KLHL3: variants seen among roughly 807,000 people sequenced by gnomAD.
KLHL3 encodes the protein kelch like family member 3.
In KLHL3, 19 loss-of-function variants were observed where a neutral mutation model predicts 70.5. That is an observed-to-expected ratio of 0.27 (90% CI 0.19 to 0.40). The LOEUF (loss-of-function observed/expected upper bound fraction) is 0.40. KLHL3 is among the 10% of genes least tolerant of loss of function. The pLI is 1.00. For missense variants in KLHL3, 512 were observed against 771.1 expected, an observed-to-expected ratio of 0.66 and a Z score of 3.98; for synonymous variants, 258 against 290.3, an observed-to-expected ratio of 0.89 and a Z score of 1.13.
chr5:137,689,487 G>A (rs1028459553), intron 5 of KLHL3, among the ~76,000 whole-genome samples: 5 of 152,178 alleles, frequency 3.3e-5, no homozygotes, highest in Non-Finnish European at 5.9e-5. Context: ...GGAATACTAC[G>A]CAGCCATAAA....
chr5:137,670,971 C>CAA (rs35273673), intron 6 of KLHL3, among the ~76,000 whole-genome samples: 72 of 131,456 alleles, frequency 5.5e-4, no homozygotes, highest in Non-Finnish European at 7.3e-4. Context: ...GACTCCACCT[C>CAA]AAAAAAAAAA....
At chr5:137,732,579 G>A (rs894224928) in intron 1 of KLHL3, among the ~76,000 whole-genome samples, 1 of 151,926 alleles carries the variant, frequency 6.6e-6, no homozygotes, top group Non-Finnish European at 1.5e-5. Context: ...GCAAGATGAC[G>A]GCCTGATAAG....
chr5:137,728,937 T>C (rs1052120945), intron 1 of KLHL3, among the ~76,000 whole-genome samples: 3 of 148,434 alleles, frequency 2.0e-5, no homozygotes, highest in Middle Eastern at 3.5e-3. Context: ...AGTTTACCTA[T>C]ATAACAAACC....
intron 11 of KLHL3, among the ~76,000 whole-genome samples, chr5:137,635,247 C>T (rs1254212967): frequency 1.3e-5 from 2 of 152,198 alleles, no homozygotes; most frequent in East Asian, 3.8e-4. Flanking sequence ...ATCATCGAGC[C>T]TGGCTTTGTT....
At chr5:137,709,173 T>A (rs1264827353) in intron 3 of KLHL3, among the ~76,000 whole-genome samples, 1 of 152,226 alleles carries the variant, frequency 6.6e-6, no homozygotes, top group African/African-American at 2.4e-5. Context: ...TGCCAGATAT[T>A]GATTATACCT....
chr5:137,706,366 T>A, intron 3 of KLHL3: 4 of 985,388 alleles, frequency 4.1e-6, no homozygotes, highest in Non-Finnish European at 4.8e-6. Context: ...TTTGCAATGT[T>A]ACTGGAGATT....
chr5:137,702,704 T>C (rs1224599864), intron 3 of KLHL3, among the ~76,000 whole-genome samples: 1 of 152,162 alleles, frequency 6.6e-6, no homozygotes, highest in African/African-American at 2.4e-5. Flanking sequence ...AGGTGGCAGA[T>C]TGACCAATGA....
intron 6 of KLHL3, among the ~76,000 whole-genome samples, chr5:137,669,157 G>A (rs1235692262): frequency 1.3e-5 from 2 of 152,100 alleles, no homozygotes; most frequent in Non-Finnish European, 2.9e-5. Context: ...TGAGAAGACA[G>A]CAATTAGAAC....
chr5:137,713,950 GT>G (rs1393362755), intron 2 of KLHL3, among the ~76,000 whole-genome samples: 3 of 152,020 alleles, frequency 2.0e-5, no homozygotes, highest in Non-Finnish European at 4.4e-5. Flanking sequence ...ATGTACACAT[GT>G]GCCATGTTGG....
At chr5:137,724,982 C>T (rs770350386) in intron 1 of KLHL3, 20 of 920,692 alleles carry the variant, frequency 2.2e-5, no homozygotes, top group Non-Finnish European at 2.3e-5. Context: ...ATACATATGT[C>T]TCAACCTAAG....
rs149332076 is a variant in KLHL3, at chr5:137,650,958, G to A, written c.903+7173C>T. ...CTTCTAACCCCCAGGAACGACAACT[G>A]GATTCATTCAAATTTGGACTTGTAG... is the stretch of plus-strand genomic sequence containing the variant. On this transcript the variant is annotated intron_variant, in intron 8 of 14. Coordinates refer to ENST00000309755, the MANE Select transcript of KLHL3 (RefSeq NM_017415.3). Among the ~76,000 whole-genome samples the A allele has an allele frequency of 9.8e-4, 149 of 152,222 alleles. 3 individuals carry two copies. The highest frequency in any genetic ancestry group is 3.4e-3 in the African/African-American group (140 of 41,536).
chr5:137,661,716 T>C, intron 7 of KLHL3, 199 bp downstream of exon 7: 1 of 489,490 alleles, frequency 2.0e-6, no homozygotes, highest in Non-Finnish European at 3.6e-6. Context: ...GAGCAGAGAC[T>C]GAAACCTAAG....
intron 7 of KLHL3, among the ~76,000 whole-genome samples, chr5:137,660,476 C>T (rs1020015418): frequency 1.3e-5 from 2 of 152,150 alleles, no homozygotes; most frequent in South Asian, 2.1e-4. Context: ...TCACTTCCTC[C>T]GCTTAGGGGA....
chr5:137,682,605 A>T lies in KLHL3; in HGVS notation c.527-4951T>A, dbSNP rs6891904. The stretch of plus-strand genomic sequence containing the variant: ...CTAATCCCCCCATCCACTAGGCTAG[A>T]GGAAGTGATAGTCTTTGGGGTTCCC... On this transcript the variant is annotated intron_variant, in intron 5 of 14. Transcript: ENST00000309755. Among the ~76,000 whole-genome samples the T allele has an allele frequency of 2.0e-3, 305 of 152,292 alleles. 2 individuals are homozygous for T. The highest frequency in any genetic ancestry group is 7.0e-3 in the African/African-American group (289 of 41,560).
intron 3 of KLHL3, among the ~76,000 whole-genome samples, chr5:137,700,012 C>T (rs942261557): frequency 2.0e-5 from 3 of 152,228 alleles, no homozygotes; most frequent in Admixed American, 2.0e-4. Flanking sequence ...ACCCCGCCTG[C>T]TCCCTTAACT....
intron 6 of KLHL3, among the ~76,000 whole-genome samples, chr5:137,675,358 T>C (rs1408637756): frequency 6.6e-6 from 1 of 152,218 alleles, no homozygotes; most frequent in East Asian, 1.9e-4. Context: ...ATTTTACCAT[T>C]ATCAATGGCA....
intron 3 of KLHL3, among the ~76,000 whole-genome samples, chr5:137,704,243 G>GGT (rs1163862615): frequency 3.9e-5 from 6 of 152,006 alleles, no homozygotes; most frequent in Admixed American, 6.5e-5. Context: ...AAATTAGCCG[G>GGT]GCGCGGTGGC....
At chr5:137,722,366 G>A (rs913318174) in intron 1 of KLHL3, among the ~76,000 whole-genome samples, 2 of 152,124 alleles carry the variant, frequency 1.3e-5, no homozygotes, top group African/African-American at 4.8e-5. Context: ...TGAACTTTGG[G>A]GCTGTTTGGA....
intron 11 of KLHL3, among the ~76,000 whole-genome samples, chr5:137,634,890 G>A (rs2149882243): frequency 6.6e-6 from 1 of 152,250 alleles, no homozygotes; most frequent in African/African-American, 2.4e-5. Context: ...GGACACAGGA[G>A]GAAAAATTTG....
Sources: gnomAD v4.1 joint callset for allele counts (sites outside exome capture counted in the v4.1 genomes callset) on GRCh38, gnomAD v4.1.1 for gene constraint, MANE v1.5 for transcripts, NCBI Gene and HGNC (gene_info 2026-07-23, HGNC 2026-07-21) for gene names.